GALNT16: variants seen among roughly 807,000 people sequenced by gnomAD.
GALNT16 encodes polypeptide N-acetylgalactosaminyltransferase 16, also known as UDP-GalNAc:polypeptide N-acetylgalactosaminyltransferase-like protein 1.
A neutral mutation model predicts 76.1 loss-of-function variants in GALNT16; 40 were observed. The ratio of observed to expected loss-of-function variants is 0.53; its 90% CI spans 0.41 to 0.68. The LOEUF (loss-of-function observed/expected upper bound fraction) is 0.68. Among genes scored for constraint, GALNT16 ranks in the 30% least tolerant of loss-of-function variants. The pLI is 0.00. For missense variants in GALNT16, 621 were observed against 731.9 expected (o/e 0.85, Z 1.75); for synonymous variants, 276 against 285.2 (o/e 0.97, Z 0.32).
At chr14:69,345,115 T>C (rs1208803186) in intron 12 of GALNT16, among the ~76,000 whole-genome samples, 2 of 152,246 alleles carry the variant, frequency 1.3e-5, no homozygotes, top group African/African-American at 4.8e-5. Flanking sequence ...CATTGTGGCC[T>C]GATCTTCCAA....
chr14:69,347,224 G>C (rs985011365), intron 13 of GALNT16, 43 bp downstream of exon 13: 2 of 1,543,944 alleles, frequency 1.3e-6, no homozygotes, highest in Non-Finnish European at 1.8e-6. Context: ...AGAGCTGGAG[G>C]CATTGTCCAG....
the GALNT16 span, among the ~76,000 whole-genome samples, chr14:69,384,338 T>C: frequency 2.0e-5 from 3 of 152,246 alleles, no homozygotes; most frequent in East Asian, 1.9e-4. Flanking sequence ...TGAACTAGAT[T>C]TGTCTGAATT....
At chr14:69,382,789 C>CAAAAAAAAAA in the GALNT16 span, among the ~76,000 whole-genome samples, 5 of 103,130 alleles carry the variant, frequency 4.8e-5, no homozygotes, top group African/African-American at 1.9e-4. Context: ...ACTCTATCTC[C>CAAAAAAAAAA]AAAAGAAAAA....
chr14:69,328,228 G>A (rs986551800), intron 5 of GALNT16, among the ~76,000 whole-genome samples: 7 of 152,090 alleles, frequency 4.6e-5, no homozygotes, highest in Non-Finnish European at 8.8e-5. Flanking sequence ...GGCACATAGA[G>A]GGCACTCGGG....
At chr14:69,322,926 GTGTGTGTGTGTGTGT>G (rs1224273573) in intron 2 of GALNT16, among the ~76,000 whole-genome samples, 6 of 27,726 alleles carry the variant, frequency 2.2e-4, no homozygotes, top group East Asian at 1.2e-3. Context: ...GGCTCACGGG[GTGTGTGTGTGTGTGT>G]GTGTGTGTGT....
chr14:69,330,961 C>A (rs1566883613), intron 6 of GALNT16, among the ~76,000 whole-genome samples: 1 of 152,116 alleles, frequency 6.6e-6, no homozygotes, highest in Non-Finnish European at 1.5e-5. Context: ...TACATGGGGA[C>A]CTCGGAGCCC....
In GALNT16 at chr14:69,328,538, G is replaced by C. The variant is rs770164612; in HGVS notation, c.657G>C (p.Glu219Asp). The change falls in exon 6 of 15, where the codon GAG becomes GAC. Residue 219 changes from glutamate to aspartate, a missense_variant. By Grantham distance (45) the Glu-to-Asp change is conservative. Transcript: ENST00000448469. ...FLDSHCEVNT[E>D]WLPPMLQRVK... ...ATAGCCACTGCGAAGTGAACACCGA[G>C]TGGCTGCCGCCCATGCTGCAGCGGG... 3 of 1,613,738 alleles carry C rather than the reference G, an allele frequency of 1.9e-6. No individual in the cohort carries two copies. Among genetic ancestry groups the C allele is most frequent in the South Asian group, 2.2e-5 (2 of 91,078 alleles).
intron 1 of GALNT16, among the ~76,000 whole-genome samples, chr14:69,299,003 T>C (rs2044809232): frequency 2.0e-5 from 3 of 152,254 alleles, no homozygotes; most frequent in Non-Finnish European, 4.4e-5. Flanking sequence ...TCAGAGCAGT[T>C]CTTCTGCTGA....
rs146934419 is a variant in GALNT16, at chr14:69,296,042, G to C, written c.178-24669G>C. ...ATATATAAAGAAAAGAGGTTTCACTGACTCTCGGTTCTGCAGGCTGTACAG... is the reference window on the plus strand; with the variant it reads ...ATATATAAAGAAAAGAGGTTTCACTCACTCTCGGTTCTGCAGGCTGTACAG... On this transcript the variant is annotated intron_variant, in intron 1 of 14. Transcript: ENST00000448469. 2.6e-5 allele frequency among the ~76,000 whole-genome samples: 4 copies of C among 152,294 alleles called. No individual in the cohort carries two copies. The East Asian group carries it at 7.7e-4, about 29-fold the overall frequency.
chr14:69,382,767 C>T, the GALNT16 span, among the ~76,000 whole-genome samples: 7 of 145,032 alleles, frequency 4.8e-5, no homozygotes, highest in South Asian at 2.2e-4. Context: ...TGAACCCTGG[C>T]GACAGTGCAA....
At chr14:69,355,198 C>T (rs2045684220), downstream of GALNT16, 1 of 152,352 alleles carries the variant, frequency 6.6e-6, no homozygotes, top group Non-Finnish European at 1.5e-5. Context: ...CTCAGCCCCA[C>T]TTTGCCGTGG....
chr14:69,341,914 G>C (rs2045492635), intron 12 of GALNT16, 150 bp downstream of exon 12: 2 of 634,454 alleles, frequency 3.2e-6, no homozygotes, highest in Admixed American at 2.5e-5. Context: ...ACGGCTGTGG[G>C]GGAACTGAGA....
In GALNT16 at chr14:69,352,121, C is replaced by G; in HGVS notation, c.1630C>G (p.Gln544Glu). Residue 544 changes from glutamine (Q) to glutamate (E), a missense_variant, in exon 15 of 15, where the codon CAG becomes GAG. Transcript: ENST00000448469. The part of the protein sequence containing the change: ...KPAQLVTSKC[Q>E]ADAQAQQWQL... ...TGCCCAGCTGGTGACCAGCAAGTGT[C>G]AGGCTGACGCCCAGGCCCAGCAGTG... 14 of 1,613,908 alleles carry G rather than the reference C, an allele frequency of 8.7e-6. No homozygotes were observed. Among genetic ancestry groups the G allele is most frequent in the Non-Finnish European group, 1.2e-5 (14 of 1,179,800 alleles).
At chr14:69,368,994 A>G in the GALNT16 span, among the ~76,000 whole-genome samples, 2 of 152,132 alleles carry the variant, frequency 1.3e-5, no homozygotes, top group African/African-American at 2.4e-5. Context: ...CCATTCCTGT[A>G]ATTTGTTTAC....
Position 69,320,888 on chromosome 14 carries a change from AG to A in GALNT16, c.335+21del, listed in dbSNP as rs2045171286. The A allele has an allele frequency of 6.2e-7, 1 of 1,606,280 alleles. No homozygotes were observed. Among genetic ancestry groups the A allele is most frequent in the African/African-American group, 1.3e-5 (1 of 74,676 alleles). The stretch of plus-strand genomic sequence containing the variant: ...TTACAGGTACGGCCTCCATCGTGTC[AG>A]TGGAGGAAGAAAGACTGAGAGAAAG... On this transcript the variant is annotated intron_variant, in intron 2 of 14. Coordinates refer to ENST00000448469, the MANE Select transcript of GALNT16 (RefSeq NM_001168368.2).
At chr14:69,280,826 C>T (rs1398364559) in intron 1 of GALNT16, among the ~76,000 whole-genome samples, 2 of 152,104 alleles carry the variant, frequency 1.3e-5, no homozygotes, top group African/African-American at 4.8e-5. Context: ...GGCTATTTAC[C>T]TCCAGGTTGT....
the GALNT16 span, among the ~76,000 whole-genome samples, chr14:69,370,570 G>C: frequency 6.6e-6 from 1 of 152,012 alleles, no homozygotes; most frequent in South Asian, 2.1e-4. Context: ...TTTCATTATG[G>C]AAAGTTTCAA....
chr14:69,268,179 C>G (rs2044363856), intron 1 of GALNT16, among the ~76,000 whole-genome samples: 1 of 152,130 alleles, frequency 6.6e-6, no homozygotes, highest in Non-Finnish European at 1.5e-5. Context: ...AGGTGGACTT[C>G]AGATACCTCA....
intron 1 of GALNT16, among the ~76,000 whole-genome samples, chr14:69,275,201 A>G (rs950648084): frequency 6.6e-6 from 1 of 152,158 alleles, no homozygotes; most frequent in African/African-American, 2.4e-5. Context: ...AGAAGGGTGC[A>G]GCCTGGGGAG....
Sources: gnomAD v4.1 joint callset for allele counts (sites outside exome capture counted in the v4.1 genomes callset) on GRCh38, gnomAD v4.1.1 for gene constraint, MANE v1.5 for transcripts, NCBI Gene and HGNC (gene_info 2026-07-23, HGNC 2026-07-21) for gene names.